SAXO1: variants seen among roughly 807,000 people sequenced by gnomAD.
SAXO1 encodes 4930500O09Rik.
In SAXO1, 21 loss-of-function variants were observed where a neutral mutation model predicts 17.5. That is an observed-to-expected ratio of 1.20 (90% CI 0.85 to 1.72). The LOEUF is 1.72. Ranked by LOEUF, SAXO1 falls within the 40% of genes most tolerant of loss-of-function variation. SAXO1 has a pLI of 0.00. For synonymous variants in SAXO1, 274 were observed against 216.5 expected, an observed-to-expected ratio of 1.27 and a Z score of -2.33; for missense variants, 843 against 596.0, an observed-to-expected ratio of 1.41 and a Z score of -4.32.
intron 1 of SAXO1, among the ~76,000 whole-genome samples, chr9:18,969,121 GA>G (rs1832850349): frequency 6.6e-6 from 1 of 152,020 alleles, no homozygotes; most frequent in African/African-American, 2.4e-5. Flanking sequence ...GGGCCTACAT[GA>G]AACAAGCGCG....
At chr9:18,945,380 A>G (rs1831748861) in intron 2 of SAXO1, among the ~76,000 whole-genome samples, 1 of 152,162 alleles carries the variant, frequency 6.6e-6, no homozygotes, top group African/African-American at 2.4e-5. Context: ...ACCACTCCTC[A>G]TGATCTTTTC....
At chr9:18,936,773 T>G (rs901469270) in intron 3 of SAXO1, among the ~76,000 whole-genome samples, 7 of 152,174 alleles carry the variant, frequency 4.6e-5, no homozygotes, top group African/African-American at 1.4e-4. Context: ...CAGCTAAACC[T>G]AAAGCTGAGC....
In SAXO1 at chr9:18,941,662, C is replaced by T; in HGVS notation, c.396G>A (p.Lys132=). ...PRDSKYPCSD[K]MECLPTYKAD... ...CTTTATAAGTAGGCAAACACTCCAT[C>T]TTGTCGCTACATGGATATTTACTGT... Residue 132 remains lysine (K), a synonymous_variant, in exon 3 of 4, where the codon AAG becomes AAA. Coordinates refer to ENST00000380534, the MANE Select transcript of SAXO1 (RefSeq NM_153707.4). The T allele has an allele frequency of 6.2e-7, 1 of 1,614,200 alleles. No individual in the cohort carries two copies. Among genetic ancestry groups the T allele is most frequent in the Non-Finnish European group, 8.5e-7 (1 of 1,180,032 alleles).
intron 1 of SAXO1, among the ~76,000 whole-genome samples, chr9:18,995,080 T>C (rs1328596000): frequency 6.6e-6 from 1 of 152,250 alleles, no homozygotes; most frequent in Non-Finnish European, 1.5e-5. Flanking sequence ...CTACTACTTA[T>C]GCTTATTTAA....
intron 3 of SAXO1, among the ~76,000 whole-genome samples, chr9:18,936,539 A>C (rs1334936947): frequency 6.6e-6 from 1 of 152,150 alleles, no homozygotes; most frequent in Non-Finnish European, 1.5e-5. Flanking sequence ...GTGATTTCTG[A>C]TACCCAACAA....
intron 1 of SAXO1, among the ~76,000 whole-genome samples, chr9:18,998,714 G>A (rs1044026486): frequency 8.5e-5 from 13 of 152,164 alleles, no homozygotes; most frequent in Non-Finnish European, 1.8e-4. Flanking sequence ...CACCCAGAGA[G>A]AAAGGTCAGG....
chr9:18,949,949 G>T (rs1831962470), intron 2 of SAXO1, among the ~76,000 whole-genome samples: 1 of 152,136 alleles, frequency 6.6e-6, no homozygotes, highest in Non-Finnish European at 1.5e-5. Flanking sequence ...CAATCTTTCA[G>T]GGCTCAGCTA....
chr9:19,034,608 G>C (rs969625924), upstream of SAXO1, among the ~76,000 whole-genome samples: 5 of 152,134 alleles, frequency 3.3e-5, no homozygotes, highest in Non-Finnish European at 7.3e-5. Flanking sequence ...AAGTCAGCAA[G>C]GTAGATTCAG....
At chr9:19,044,388 C>G (rs1281897210) in intron 1 of SAXO1, among the ~76,000 whole-genome samples, 1 of 152,174 alleles carries the variant, frequency 6.6e-6, no homozygotes, top group Non-Finnish European at 1.5e-5. Context: ...ATTAAGATCT[C>G]TCCTATTTCC....
chr9:19,044,055 G>T (rs1836144578), intron 1 of SAXO1, among the ~76,000 whole-genome samples: 2 of 151,710 alleles, frequency 1.3e-5, no homozygotes, highest in South Asian at 4.2e-4. Flanking sequence ...TGAGGCAGGA[G>T]AATCACTTGA....
chr9:19,009,481 G>C (rs1353631425), intron 1 of SAXO1, among the ~76,000 whole-genome samples: 1 of 152,154 alleles, frequency 6.6e-6, no homozygotes, highest in African/African-American at 2.4e-5. Context: ...CAAGTTATAA[G>C]ACGTGGCAAA....
intron 1 of SAXO1, among the ~76,000 whole-genome samples, chr9:18,980,531 G>GGGAGGGAGGGA (rs1554675117): frequency 2.2e-5 from 2 of 92,718 alleles, no homozygotes; most frequent in Non-Finnish European, 4.0e-5. Context: ...GTAGTGGCGG[G>GGGAGGGAGGGA]GGGAGGGAGG....
intron 1 of SAXO1, among the ~76,000 whole-genome samples, chr9:19,015,437 G>A (rs1194819106): frequency 3.9e-5 from 6 of 152,098 alleles, no homozygotes; most frequent in South Asian, 2.1e-4. Flanking sequence ...TCCGCCTCCC[G>A]GATTCAAGTG....
Position 18,946,347 on chromosome 9 carries a change from G to T in SAXO1, c.218+4411C>A, listed in dbSNP as rs550889559. ...GCAACCACGGATGCTGCAAAATGAG[G>T]AAAGAAACCTGGAAATGAGAGAGTC... is the stretch of plus-strand genomic sequence containing the variant. On this transcript the variant is annotated intron_variant, in intron 2 of 3. Coordinates refer to ENST00000380534, the MANE Select transcript of SAXO1 (RefSeq NM_153707.4). Among the ~76,000 whole-genome samples the T allele has an allele frequency of 6.7e-5, 10 of 148,730 alleles. No homozygotes were observed. The East Asian group carries it at 1.8e-3, about 26-fold the overall frequency.
intron 1 of SAXO1, among the ~76,000 whole-genome samples, chr9:18,973,816 A>T (rs58809516): frequency 0.021 from 3,171 of 152,334 alleles, 101 homozygotes; most frequent in African/African-American, 0.072. Context: ...TCCCACTGTA[A>T]TATTCACAAG....
At chr9:18,983,420 A>G (rs73431275) in intron 1 of SAXO1, among the ~76,000 whole-genome samples, 2,996 of 152,262 alleles carry the variant, frequency 0.02, 97 homozygotes, top group African/African-American at 0.068. Flanking sequence ...CTCAACATGT[A>G]GGCATTATAA....
upstream of SAXO1, among the ~76,000 whole-genome samples, chr9:19,036,266 A>AG (rs1835935325): frequency 1.3e-5 from 2 of 151,098 alleles, no homozygotes; most frequent in South Asian, 2.1e-4. Context: ...AAAAAAAAAA[A>AG]AAAGAAAGAA....
intron 1 of SAXO1, among the ~76,000 whole-genome samples, chr9:19,031,853 G>C (rs923032837): frequency 6.6e-6 from 1 of 152,188 alleles, no homozygotes; most frequent in Admixed American, 6.5e-5. Flanking sequence ...ATTGATGCCA[G>C]AGATATAGAA....
intron 1 of SAXO1, among the ~76,000 whole-genome samples, chr9:18,959,754 A>T (rs562833685): frequency 8.2e-4 from 124 of 151,048 alleles, no homozygotes; most frequent in African/African-American, 2.9e-3. Context: ...CTGGGCAACA[A>T]GAGTGAAACT....
Sources: gnomAD v4.1 joint callset for allele counts (sites outside exome capture counted in the v4.1 genomes callset) on GRCh38, gnomAD v4.1.1 for gene constraint, MANE v1.5 for transcripts, NCBI Gene and HGNC (gene_info 2026-07-23, HGNC 2026-07-21) for gene names.